Variants in ATG4C observed in about 807,000 individuals in gnomAD.
The protein encoded by ATG4C is autophagy related 4C cysteine peptidase.
Under a neutral mutation model 57.6 loss-of-function variants are expected in ATG4C, and 56 were observed. The observed-to-expected ratio is 0.97, with a 90% CI of 0.78 to 1.21. The LOEUF (loss-of-function observed/expected upper bound fraction) is 1.21, where lower values mean the gene tolerates loss of function less well. Ranked by LOEUF, ATG4C falls within the 50% of genes most tolerant of loss-of-function variation. The probability of loss-of-function intolerance (pLI) is 0.00; values close to 1 mark genes in which losing one functional copy is unlikely to be tolerated. For synonymous variants in ATG4C, 157 were observed against 174.1 expected (o/e 0.90, Z 0.78); for missense variants, 595 against 529.8 (o/e 1.12, Z -1.21).
intron 10 of ATG4C, among the ~76,000 whole-genome samples, chr1:62,850,854 GTA>G (rs1161449502): frequency 0.061 from 5,068 of 83,376 alleles, 182 homozygotes; most frequent in Non-Finnish European, 0.088. Flanking sequence ...GTGTATGTAT[GTA>G]TATATATATA....
chr1:62,829,185 T>C lies in ATG4C; in HGVS notation c.933+9T>C. 2 of 1,611,450 alleles carry C rather than the reference T, an allele frequency of 1.2e-6. No individual in the cohort carries two copies. Among genetic ancestry groups the C allele is most frequent in the South Asian group, 1.1e-5 (1 of 90,450 alleles). On this transcript the variant is annotated intron_variant, in intron 7 of 10. Transcript: ENST00000317868. ...ACTTAGAATTTGTGAAGGTATGAAATAAGTGCTGAACTTTTTTAGGGCAAT... is the reference window on the plus strand; with the variant it reads ...ACTTAGAATTTGTGAAGGTATGAAACAAGTGCTGAACTTTTTTAGGGCAAT...
intron 1 of ATG4C, among the ~76,000 whole-genome samples, chr1:62,798,263 T>C (rs1664539417): frequency 6.6e-6 from 1 of 152,240 alleles, no homozygotes; most frequent in Admixed American, 6.5e-5. Flanking sequence ...GTCATCTAGC[T>C]TTATTTTAAA....
chr1:62,817,577 G>T (rs1665322053), intron 4 of ATG4C, among the ~76,000 whole-genome samples: 1 of 152,046 alleles, frequency 6.6e-6, no homozygotes. Context: ...GAACTCCTAG[G>T]CTCAAGTGAT....
At chr1:62,850,854 G>GTGTATGTATATA (rs1402010901) in intron 10 of ATG4C, among the ~76,000 whole-genome samples, 21 of 84,114 alleles carry the variant, frequency 2.5e-4, no homozygotes, top group Non-Finnish European at 3.7e-4. Flanking sequence ...GTGTATGTAT[G>GTGTATGTATATA]TATATATATA....
chr1:62,803,211 G>C (rs185208845), intron 1 of ATG4C, among the ~76,000 whole-genome samples: 10 of 152,152 alleles, frequency 6.6e-5, no homozygotes, highest in Non-Finnish European at 1.5e-4. Context: ...CATAGGAAAT[G>C]TCTTATTTAA....
chr1:62,850,844 G>GTGTATGTA lies in ATG4C; in HGVS notation c.1209+9303_1209+9310dup, dbSNP rs1553230124. ...TCTGCTGTATCATGTATGTATGTGT[G>GTGTATGTA]TGTATGTATGTATATATATATATAT... On this transcript the variant is annotated intron_variant, in intron 10 of 10. Coordinates refer to ENST00000317868, the MANE Select transcript of ATG4C (RefSeq NM_032852.4). Among the ~76,000 whole-genome samples, 91 of 51,272 alleles carry GTGTATGTA rather than the reference G, an allele frequency of 1.8e-3. 1 individual carries two copies. Among genetic ancestry groups the GTGTATGTA allele is most frequent in the Middle Eastern group, 8.9e-3 (1 of 112 alleles). 33.6% of individuals were successfully genotyped at this position (51,272 alleles called of 152,430 possible). A position where few individuals can be genotyped will look rare whatever the true frequency, so the allele number is the denominator to read the frequency against.
At chr1:62,863,005 G>C (rs575041459) in intron 10 of ATG4C, among the ~76,000 whole-genome samples, 3 of 151,868 alleles carry the variant, frequency 2.0e-5, no homozygotes, top group Non-Finnish European at 4.4e-5. Flanking sequence ...CTGTGGCCCT[G>C]CTTACCTATT....
chr1:62,844,451 T>A (rs559266460), intron 10 of ATG4C, among the ~76,000 whole-genome samples: 11 of 152,244 alleles, frequency 7.2e-5, no homozygotes, highest in Admixed American at 2.6e-4. Flanking sequence ...AGTCTCTGAG[T>A]TTTGGGAAAC....
intron 7 of ATG4C, 85 bp from the exon 8 acceptor site, chr1:62,833,953 T>C (rs553850180): frequency 3.5e-6 from 4 of 1,151,198 alleles, no homozygotes; most frequent in South Asian, 2.9e-5. Flanking sequence ...ATTTGGGAGC[T>C]ACTAATATTA....
intron 6 of ATG4C, among the ~76,000 whole-genome samples, chr1:62,827,520 A>G (rs1665702266): frequency 6.6e-6 from 1 of 151,916 alleles, no homozygotes. Flanking sequence ...ATGCATCACC[A>G]TCTCTATTTC....
intron 5 of ATG4C, among the ~76,000 whole-genome samples, chr1:62,820,514 A>G (rs1485145311): frequency 1.3e-5 from 2 of 152,158 alleles, no homozygotes; most frequent in Non-Finnish European, 2.9e-5. Context: ...AAATAAAATT[A>G]CATTTCCACA....
rs759501518 is a variant in ATG4C, at chr1:62,864,148, G to C, written c.1366G>C (p.Val456Leu). 4.4e-6 allele frequency: 7 copies of C among 1,598,766 alleles called. No homozygotes were observed. Among genetic ancestry groups the C allele is most frequent in the Non-Finnish European group, 6.0e-6 (7 of 1,175,652 alleles). ...AAAAAGATTTAGCACGGAAGAGTTTGTCTTGCTTTAAAGATTAGCACATTT... is the reference window on the plus strand; with the variant it reads ...AAAAAGATTTAGCACGGAAGAGTTTCTCTTGCTTTAAAGATTAGCACATTT... Reference protein sequence around the residue: ...QLKRFSTEEFVLL With the variant: ...QLKRFSTEEFLLL The change falls in exon 11 of 11, where the codon GTC (valine) becomes CTC (leucine). Residue 456 changes from valine (V) to leucine (L), a missense_variant. Physicochemically the swap from Val to Leu is conservative, Grantham distance 32 (BLOSUM62 1). Transcript: ENST00000317868.
rs3211074 is a variant in ATG4C, at chr1:62,864,546, G to A, written c.*387G>A. On this transcript the variant is annotated 3_prime_UTR_variant, in exon 11 of 11. Transcript: ENST00000317868. ...AGTTTCAAAATTCTCAGTTTGTACT[G>A]AAGACCAGAAGATCAGAGAAGGAAA... 0.45 allele frequency: 77,278 copies of A among 173,180 alleles called. 17,453 individuals are homozygous for A. Among genetic ancestry groups the A allele is most frequent in the East Asian group, 0.66 (3,537 of 5,382 alleles). 10.7% of individuals were successfully genotyped at this position (173,180 alleles called of 1,614,324 possible).
At chr1:62,838,365 G>A (rs1190853990) in intron 9 of ATG4C, among the ~76,000 whole-genome samples, 1 of 152,078 alleles carries the variant, frequency 6.6e-6, no homozygotes, top group Admixed American at 6.6e-5. Context: ...AAATTATCAC[G>A]AAGTGAACAT....
chr1:62,818,763 C>T (rs1387309616), intron 4 of ATG4C, among the ~76,000 whole-genome samples: 1 of 151,956 alleles, frequency 6.6e-6, no homozygotes, highest in Non-Finnish European at 1.5e-5. Flanking sequence ...CAATCATCAC[C>T]ATAAATCTAA....
At chr1:62,789,919 CTT>C (rs113736770) in intron 1 of ATG4C, among the ~76,000 whole-genome samples, 5 of 145,816 alleles carry the variant, frequency 3.4e-5, no homozygotes, top group Admixed American at 2.1e-4. Flanking sequence ...CACATATACA[CTT>C]TTTTTTTTTT....
At position 62,819,192 on chromosome 1, in the gene ATG4C, A is replaced by T. The variant is rs762009826; in HGVS notation, c.582A>T (p.Glu194Asp). The T allele has an allele frequency of 3.7e-6, 6 of 1,613,524 alleles. No homozygotes were observed. Among genetic ancestry groups the T allele is most frequent in the Non-Finnish European group, 5.1e-6 (6 of 1,179,748 alleles). Reference protein sequence around the residue: ...KYSDDHEMRNEVYHRKIISWF... With the variant: ...KYSDDHEMRNDVYHRKIISWF... ...CTGATGATCATGAAATGCGAAATGAAGTTTATCATAGGAAAATCATCTCTT... is the reference window on the plus strand; with the variant it reads ...CTGATGATCATGAAATGCGAAATGATGTTTATCATAGGAAAATCATCTCTT... Residue 194 changes from glutamate (E) to aspartate (D), a missense_variant, in exon 5 of 11, where the codon GAA becomes GAT. Physicochemically the swap from Glu to Asp is conservative, Grantham distance 45 (BLOSUM62 2). Coordinates refer to ENST00000317868, the MANE Select transcript of ATG4C (RefSeq NM_032852.4).
chr1:62,805,155 T>TC lies in ATG4C; in HGVS notation c.77-17_77-16insC. 1 of 1,227,226 alleles carries TC rather than the reference T, an allele frequency of 8.1e-7. No individual in the cohort carries two copies. Among genetic ancestry groups the TC allele is most frequent in the Non-Finnish European group, 1.1e-6 (1 of 897,716 alleles). 76.0% of individuals were successfully genotyped at this position (1,227,226 alleles called of 1,614,324 possible). A position where few individuals can be genotyped will look rare whatever the true frequency, so the allele number is the denominator to read the frequency against. Reference sequence around the variant, plus strand: ...TAATTACAAAACGTTTTCTTTTCTTTTTTTTTTTTTTGCTAGGTTGGGTGT... The same window carrying TC: ...TAATTACAAAACGTTTTCTTTTCTTTCTTTTTTTTTTTGCTAGGTTGGGTGT... On this transcript the variant is annotated splice_polypyrimidine_tract_variant and intron_variant, in intron 2 of 10. Coordinates refer to ENST00000317868, the MANE Select transcript of ATG4C (RefSeq NM_032852.4).
intron 7 of ATG4C, among the ~76,000 whole-genome samples, chr1:62,831,252 A>C (rs573190174): frequency 1.3e-5 from 2 of 152,250 alleles, no homozygotes; most frequent in South Asian, 4.2e-4. Context: ...GGTTGAGTCA[A>C]ACCCCAATGA....
Sources: allele counts gnomAD v4.1 joint callset (sites outside exome capture counted in the v4.1 genomes callset), GRCh38; gene constraint gnomAD v4.1.1; transcripts MANE v1.5; gene names NCBI Gene and HGNC (gene_info 2026-07-23, HGNC 2026-07-21).